The following TIAM2 variants were observed in gnomAD, a reference collection of about 807,000 sequenced individuals.
TIAM2 encodes the protein rho guanine nucleotide exchange factor TIAM2.
A neutral mutation model predicts 152.9 loss-of-function variants in TIAM2; 80 were observed. The observed-to-expected ratio is 0.52, with a 90% CI of 0.44 to 0.63. The LOEUF is 0.63. Ranked by LOEUF, TIAM2 falls within the 30% of genes least tolerant of loss-of-function variation. TIAM2 has a pLI of 0.00. For synonymous variants in TIAM2, 804 were observed against 838.0 expected, an observed-to-expected ratio of 0.96 and a Z score of 0.70; for missense variants, 1,965 against 2,120.1, an observed-to-expected ratio of 0.93 and a Z score of 1.44.
At chr6:155,252,188 AAAG>A (rs1783703094) in intron 23 of TIAM2, among the ~76,000 whole-genome samples, 185 bp downstream of exon 23, 1 of 152,184 alleles carries the variant, frequency 6.6e-6, no homozygotes, top group Non-Finnish European at 1.5e-5. Context: ...GTCTGTTTTA[AAAG>A]AAGATATACA....
chr6:155,137,913 T>C (rs1779592669), intron 5 of TIAM2, among the ~76,000 whole-genome samples: 2 of 152,242 alleles, frequency 1.3e-5, no homozygotes, highest in African/African-American at 4.8e-5. Flanking sequence ...CTCAGCTCAC[T>C]GCAACCTCTG....
chr6:155,097,758 A>G (rs756845846), intron 2 of TIAM2, among the ~76,000 whole-genome samples: 13 of 152,112 alleles, frequency 8.5e-5, no homozygotes, highest in Admixed American at 3.9e-4. Context: ...GCATTTCCCA[A>G]ATGTTTTCTT....
chr6:155,244,958 T>C (rs1007775319), intron 18 of TIAM2, 175 bp downstream of exon 18: 7 of 828,684 alleles, frequency 8.4e-6, no homozygotes, highest in African/African-American at 5.3e-5. Context: ...GAAGGCTGTA[T>C]ATATTTTTTT....
At chr6:155,015,782 C>T (rs1023739295) in intron 1 of TIAM2, among the ~76,000 whole-genome samples, 1 of 151,562 alleles carries the variant, frequency 6.6e-6, no homozygotes, top group African/African-American at 2.4e-5. Context: ...ACTAAAAATA[C>T]AAGAATTAGC....
intron 8 of TIAM2, 122 bp from the exon 9 acceptor site, chr6:155,165,141 C>A: frequency 9.7e-7 from 1 of 1,033,734 alleles, no homozygotes; most frequent in Non-Finnish European, 1.4e-6. Context: ...GTATTTCAGA[C>A]ATGCAGGAGC....
intron 4 of TIAM2, among the ~76,000 whole-genome samples, chr6:155,134,400 C>G (rs1477071240): frequency 5.1e-5 from 7 of 138,484 alleles, no homozygotes; most frequent in Admixed American, 2.8e-4. Flanking sequence ...TCCCCCCACC[C>G]CCCCCCATTT....
intron 20 of TIAM2, among the ~76,000 whole-genome samples, chr6:155,248,485 G>A (rs542202040): frequency 1.3e-5 from 2 of 152,202 alleles, no homozygotes; most frequent in Non-Finnish European, 2.9e-5. Context: ...CTCAGGTCAC[G>A]TGGCTGTGAA....
At chr6:155,119,712 C>T (rs1562322522) in intron 2 of TIAM2, among the ~76,000 whole-genome samples, 1 of 152,210 alleles carries the variant, frequency 6.6e-6, no homozygotes, top group South Asian at 2.1e-4. Context: ...GTGGATGTAC[C>T]ATTCTGGCAA....
At chr6:155,134,095 T>G (rs895569668) in intron 4 of TIAM2, among the ~76,000 whole-genome samples, 3 of 152,186 alleles carry the variant, frequency 2.0e-5, no homozygotes, top group Non-Finnish European at 4.4e-5. Context: ...TTGTTTCTGA[T>G]TATTCGATTT....
intron 10 of TIAM2, among the ~76,000 whole-genome samples, chr6:155,177,994 T>C (rs1780794914): frequency 6.6e-6 from 1 of 151,916 alleles, no homozygotes; most frequent in Non-Finnish European, 1.5e-5. Flanking sequence ...ACCCCGTCTC[T>C]ACTAAAAATA....
intron 1 of TIAM2, among the ~76,000 whole-genome samples, chr6:155,010,847 A>G (rs1018132132): frequency 5.3e-5 from 8 of 152,112 alleles, no homozygotes; most frequent in Non-Finnish European, 1.5e-5. Context: ...CGGCCTCCCA[A>G]AGTGCTGGGC....
intron 4 of TIAM2, among the ~76,000 whole-genome samples, chr6:155,134,729 A>G (rs745545952): frequency 6.6e-6 from 1 of 152,108 alleles, no homozygotes; most frequent in Non-Finnish European, 1.5e-5. Flanking sequence ...CTTTTGAGAC[A>G]GAGTCTCGCT....
intron 13 of TIAM2, 27 bp downstream of exon 13, chr6:155,182,345 T>A: frequency 1.3e-6 from 2 of 1,579,296 alleles, no homozygotes; most frequent in Non-Finnish European, 1.7e-6. Flanking sequence ...GTGCCCCTGT[T>A]GCCTCTTAAT....
Position 155,176,864 on chromosome 6 carries a change from C to T in TIAM2, c.2410C>T (p.Arg804Ter), listed in dbSNP as rs1179565736. Reference sequence around the variant, plus strand: ...TGGTTCAACAGTAGACGGTGTTCCCCGAGACAATGCATGGGAAATCCAGAC... The same window carrying T: ...TGGTTCAACAGTAGACGGTGTTCCCTGAGACAATGCATGGGAAATCCAGAC... ...IYGSTVDGVP[R>*]DNAWEIQTYV... The change falls in exon 10 of 27, where the codon CGA (arginine) becomes TGA (stop). Residue 804 changes from arginine to a stop codon, truncating the protein, a stop_gained. Coordinates refer to ENST00000682666, the MANE Select transcript of TIAM2 (RefSeq NM_012454.4). LOFTEE classifies it high-confidence loss of function. 3.7e-6 allele frequency: 6 copies of T among 1,613,850 alleles called. No homozygotes were observed. The highest frequency in any genetic ancestry group is 2.2e-5 in the East Asian group (1 of 44,900).
chr6:155,146,912 C>T (rs1308912109), intron 6 of TIAM2, among the ~76,000 whole-genome samples: 5 of 151,956 alleles, frequency 3.3e-5, no homozygotes, highest in African/African-American at 7.3e-5. Flanking sequence ...TGAGCCACCA[C>T]GCCTGTCCTA....
chr6:155,190,125 G>A (rs926844270), intron 14 of TIAM2, among the ~76,000 whole-genome samples: 2 of 152,188 alleles, frequency 1.3e-5, no homozygotes, highest in Admixed American at 1.3e-4. Context: ...AATGAATATT[G>A]TATTACTACT....
intron 1 of TIAM2, chr6:155,004,994 T>G: frequency 2.2e-6 from 1 of 458,360 alleles, no homozygotes. Flanking sequence ...CCTTAAGCCA[T>G]TTGCCCCATG....
At chr6:155,202,523 A>G (rs1227430652) in intron 14 of TIAM2, among the ~76,000 whole-genome samples, 2 of 151,530 alleles carry the variant, frequency 1.3e-5, no homozygotes, top group Non-Finnish European at 2.9e-5. Context: ...GGCTCAAGTG[A>G]TCCTCCTGCC....
chr6:155,168,901 C>T (rs769647620), intron 9 of TIAM2: 65 of 1,535,336 alleles, frequency 4.2e-5, no homozygotes, highest in Non-Finnish European at 4.4e-5. Flanking sequence ...CTCAAAACTC[C>T]AGTAACTCCA....
Sources: allele counts gnomAD v4.1 joint callset (sites outside exome capture counted in the v4.1 genomes callset), GRCh38; gene constraint gnomAD v4.1.1; transcripts MANE v1.5; gene names NCBI Gene and HGNC (gene_info 2026-07-23, HGNC 2026-07-21).